Variants in RORA observed in about 807,000 individuals in gnomAD.
RORA encodes RAR related orphan receptor A, also known as nuclear receptor ROR-alpha.
Under a neutral mutation model 69.5 loss-of-function variants are expected in RORA, and 7 were observed. The ratio of observed to expected loss-of-function variants is 0.10; its 90% confidence interval spans 0.06 to 0.19. The LOEUF is 0.19. Among genes scored for constraint, RORA ranks in the 10% least tolerant of loss-of-function variants. RORA has a pLI of 1.00. For synonymous variants in RORA, 261 were observed against 240.8 expected (o/e 1.08, Z -0.78); for missense variants, 457 against 663.0 (o/e 0.69, Z 3.41).
intron 1 of RORA, among the ~76,000 whole-genome samples, chr15:60,773,940 C>T (rs140616478): frequency 6.6e-6 from 1 of 152,190 alleles, no homozygotes; most frequent in Admixed American, 6.5e-5. Context: ...GATAGCTATA[C>T]CTGTTTCACT....
intron 1 of RORA, among the ~76,000 whole-genome samples, chr15:60,716,583 T>G (rs1030845903): frequency 6.6e-6 from 1 of 152,062 alleles, no homozygotes; most frequent in Non-Finnish European, 1.5e-5. Context: ...TTTGTTACAG[T>G]CTTGTTATAA....
chr15:60,725,406 G>A (rs2071344070), intron 1 of RORA, among the ~76,000 whole-genome samples: 1 of 151,982 alleles, frequency 6.6e-6, no homozygotes, highest in African/African-American at 2.4e-5. Flanking sequence ...TGTTTCTATC[G>A]CCCATGGAAA....
At chr15:61,130,921 C>A (rs1382042276) in intron 1 of RORA, among the ~76,000 whole-genome samples, 3 of 152,216 alleles carry the variant, frequency 2.0e-5, no homozygotes, top group Non-Finnish European at 4.4e-5. Flanking sequence ...CTCCTGGTAT[C>A]ACTGAGACCC....
At chr15:60,718,496 GT>G (rs1263596443) in intron 1 of RORA, among the ~76,000 whole-genome samples, 5 of 152,200 alleles carry the variant, frequency 3.3e-5, no homozygotes, top group Non-Finnish European at 7.3e-5. Context: ...CTATAAGAAG[GT>G]TTTCTGGCTA....
intron 1 of RORA, among the ~76,000 whole-genome samples, chr15:60,894,388 C>A (rs1159822294): frequency 6.6e-6 from 1 of 152,140 alleles, no homozygotes; most frequent in Non-Finnish European, 1.5e-5. Context: ...GTAACTGGCA[C>A]GGTTTTCTGA....
chr15:60,517,123 T>TTC (rs398118910), intron 3 of RORA, among the ~76,000 whole-genome samples: 65 of 150,464 alleles, frequency 4.3e-4, no homozygotes, highest in South Asian at 1.3e-3. Context: ...TTTTTTTTTT[T>TTC]CCCCCCTACA....
intron 1 of RORA, among the ~76,000 whole-genome samples, chr15:60,699,712 T>G (rs1226527408): frequency 6.6e-6 from 1 of 152,140 alleles, no homozygotes; most frequent in Non-Finnish European, 1.5e-5. Context: ...TATTTAACAC[T>G]TTCTGTAACA....
chr15:60,724,074 C>T (rs1282071685), intron 1 of RORA, among the ~76,000 whole-genome samples: 1 of 152,122 alleles, frequency 6.6e-6, no homozygotes, highest in Admixed American at 6.5e-5. Context: ...TGTTATGATT[C>T]CTACCTTTGT....
chr15:60,595,176 G>T (rs2068639313), intron 2 of RORA, among the ~76,000 whole-genome samples: 1 of 151,066 alleles, frequency 6.6e-6, no homozygotes, highest in Non-Finnish European at 1.5e-5. Context: ...AGCCATAAAT[G>T]ATACATTTTA....
intron 1 of RORA, among the ~76,000 whole-genome samples, chr15:61,192,733 C>T (rs1451719865): frequency 6.6e-6 from 1 of 152,206 alleles, no homozygotes; most frequent in Non-Finnish European, 1.5e-5. Context: ...ATGCTCCTCA[C>T]TGAGTATGTG....
At chr15:60,621,260 T>C (rs897252127) in intron 2 of RORA, among the ~76,000 whole-genome samples, 1 of 152,104 alleles carries the variant, frequency 6.6e-6, no homozygotes. Context: ...CACCAGAGGC[T>C]TCCATTTGTC....
intron 1 of RORA, among the ~76,000 whole-genome samples, chr15:60,916,217 A>G (rs1334063179): frequency 1.3e-5 from 2 of 152,124 alleles, no homozygotes; most frequent in Admixed American, 6.5e-5. Context: ...ATCTAGCTAG[A>G]TATTCAGATT....
At chr15:60,799,590 C>T (rs946644177) in intron 1 of RORA, among the ~76,000 whole-genome samples, 3 of 151,888 alleles carry the variant, frequency 2.0e-5, no homozygotes, top group East Asian at 1.9e-4. Context: ...AAAAACATTG[C>T]GGGGGAGATG....
At chr15:60,750,280 A>G (rs2071705194) in intron 1 of RORA, among the ~76,000 whole-genome samples, 2 of 152,098 alleles carry the variant, frequency 1.3e-5, no homozygotes, top group South Asian at 4.1e-4. Context: ...GAAAGGACTC[A>G]CTCTCCACCA....
Position 60,501,019 on chromosome 15 carries a change from A to T in RORA, c.1234T>A (p.Ser412Thr). The T allele has an allele frequency of 6.2e-7, 1 of 1,611,664 alleles. No homozygotes were observed. The highest frequency in any genetic ancestry group is 8.5e-7 in the Non-Finnish European group (1 of 1,177,954). ...FVFEFGKSLC[S>T]MHLTEDEIAL... Reference sequence around the variant, plus strand: ...ATTTCATCTTCAGTCAGGTGCATAGAACATAAACTCTTTCCAAATTCAAAC... The same window carrying T: ...ATTTCATCTTCAGTCAGGTGCATAGTACATAAACTCTTTCCAAATTCAAAC... The change falls in exon 9 of 11, where the codon TCT becomes ACT. Residue 412 changes from serine to threonine, a missense_variant. Coordinates refer to ENST00000335670, the MANE Select transcript of RORA (RefSeq NM_134261.3).
At chr15:60,572,795 T>C (rs2067919734) in intron 2 of RORA, among the ~76,000 whole-genome samples, 2 of 152,180 alleles carry the variant, frequency 1.3e-5, no homozygotes, top group African/African-American at 4.8e-5. Context: ...GTGTTTACCT[T>C]GAATACAAAA....
At chr15:61,006,276 T>C (rs1894912171) in intron 1 of RORA, among the ~76,000 whole-genome samples, 1 of 152,156 alleles carries the variant, frequency 6.6e-6, no homozygotes, top group African/African-American at 2.4e-5. Context: ...CGTAATATTT[T>C]TTTTTTATTG....
chr15:60,811,373 G>A (rs1443428271), intron 1 of RORA, among the ~76,000 whole-genome samples: 1 of 152,154 alleles, frequency 6.6e-6, no homozygotes, highest in Non-Finnish European at 1.5e-5. Context: ...CAGCTTTCCT[G>A]TATCTGATAA....
At chr15:60,589,816 T>C (rs1409488451) in intron 2 of RORA, among the ~76,000 whole-genome samples, 1 of 152,214 alleles carries the variant, frequency 6.6e-6, no homozygotes, top group East Asian at 1.9e-4. Context: ...CTTTCTTTTA[T>C]GGTGGCTTGT....
Sources: allele counts gnomAD v4.1 joint callset (sites outside exome capture counted in the v4.1 genomes callset), GRCh38; gene constraint gnomAD v4.1.1; transcripts MANE v1.5; gene names NCBI Gene and HGNC (gene_info 2026-07-23, HGNC 2026-07-21).